Variants in VTI1A observed in about 807,000 individuals in gnomAD.
VTI1A encodes vesicle transport through interaction with t-SNAREs 1A, also known as vesicle transport through interaction with t-SNAREs homolog 1A.
Under a neutral mutation model 34.9 loss-of-function variants are expected in VTI1A, and 22 were observed. That is an observed-to-expected ratio of 0.63 (90% CI 0.45 to 0.90). The LOEUF is 0.90. Ranked by LOEUF, VTI1A falls within the 40% of genes least tolerant of loss-of-function variation. The pLI is 0.00. For missense variants in VTI1A, 268 were observed against 275.6 expected, an observed-to-expected ratio of 0.97 and a Z score of 0.20; for synonymous variants, 87 against 97.3, an observed-to-expected ratio of 0.89 and a Z score of 0.62.
At chr10:112,831,268 G>A in the VTI1A span, 18 of 152,252 alleles carry the variant, frequency 1.2e-4, no homozygotes, top group Admixed American at 5.9e-4. Context: ...GTTAATTATC[G>A]TTTGTCCCCA....
intron 4 of VTI1A, among the ~76,000 whole-genome samples, chr10:112,537,298 T>C (rs1398754385): frequency 7.3e-6 from 1 of 136,952 alleles, no homozygotes; most frequent in Non-Finnish European, 1.6e-5. Flanking sequence ...TTTATATATT[T>C]CTAAGTATCT....
intron 7 of VTI1A, among the ~76,000 whole-genome samples, chr10:112,712,921 T>G (rs1394401574): frequency 6.6e-6 from 1 of 152,126 alleles, no homozygotes; most frequent in Non-Finnish European, 1.5e-5. Flanking sequence ...TAAAACTGAG[T>G]AGGGCAAAAG....
At chr10:112,611,854 A>G (rs1589972594) in intron 5 of VTI1A, among the ~76,000 whole-genome samples, 1 of 147,136 alleles carries the variant, frequency 6.8e-6, no homozygotes, top group East Asian at 2.0e-4. Flanking sequence ...TCATTGTCCT[A>G]CCTCAGCCTC....
intron 7 of VTI1A, among the ~76,000 whole-genome samples, chr10:112,768,183 A>T (rs1205707574): frequency 6.6e-6 from 1 of 152,232 alleles, no homozygotes; most frequent in African/African-American, 2.4e-5. Context: ...AACAAATTGC[A>T]TGACGAGTGT....
intron 5 of VTI1A, among the ~76,000 whole-genome samples, chr10:112,597,868 T>G (rs1381228924): frequency 6.6e-6 from 1 of 151,378 alleles, no homozygotes; most frequent in Non-Finnish European, 1.5e-5. Context: ...CGGCTAATTT[T>G]TTGTATTTTT....
At chr10:112,778,005 G>A (rs1207975306) in intron 7 of VTI1A, among the ~76,000 whole-genome samples, 1 of 152,170 alleles carries the variant, frequency 6.6e-6, no homozygotes, top group African/African-American at 2.4e-5. Context: ...GAGAGGCTGA[G>A]GCAGGAGAAT....
chr10:112,653,015 C>T (rs565028112), intron 5 of VTI1A, among the ~76,000 whole-genome samples: 15 of 152,308 alleles, frequency 9.8e-5, no homozygotes, highest in African/African-American at 2.9e-4. Context: ...AGGTTGGGGG[C>T]GACCTGAGCA....
At chr10:112,499,468 A>G (rs1386403906) in intron 3 of VTI1A, among the ~76,000 whole-genome samples, 1 of 152,084 alleles carries the variant, frequency 6.6e-6, no homozygotes, top group Non-Finnish European at 1.5e-5. Context: ...AATTTTATGT[A>G]TGCCCATGGC....
intron 7 of VTI1A, among the ~76,000 whole-genome samples, chr10:112,801,180 G>A (rs181994414): frequency 8.9e-4 from 135 of 152,260 alleles, no homozygotes; most frequent in African/African-American, 2.9e-3. Context: ...GGAGGTGGGA[G>A]GGTGAGGAGT....
chr10:112,547,331 C>A (rs868867185), intron 5 of VTI1A, among the ~76,000 whole-genome samples: 50 of 151,954 alleles, frequency 3.3e-4, no homozygotes, highest in African/African-American at 1.1e-3. Flanking sequence ...AATCCCAGCA[C>A]TTTGGGAGGC....
intron 5 of VTI1A, among the ~76,000 whole-genome samples, chr10:112,616,975 G>A (rs546393223): frequency 6.1e-4 from 93 of 152,220 alleles, no homozygotes; most frequent in African/African-American, 2.2e-3. Context: ...AGTTAGAGGA[G>A]CAATAATTTG....
At position 112,495,082 on chromosome 10, in the gene VTI1A, A is replaced by G. The variant is rs139666873; in HGVS notation, c.264+30425A>G. The stretch of plus-strand genomic sequence containing the variant: ...GATGGAAATGTGTCTTTTTTGATTC[A>G]TTGAAGAGGCCTGAATGTTTTACCA... On this transcript the variant is annotated intron_variant, in intron 3 of 7. Coordinates refer to ENST00000393077, the MANE Select transcript of VTI1A (RefSeq NM_145206.4). Among the ~76,000 whole-genome samples, 173 of 152,112 alleles carry G rather than the reference A, an allele frequency of 1.1e-3. 2 individuals are homozygous for G. The East Asian group carries it at 0.032, about 28-fold the overall frequency.
chr10:112,554,399 T>C (rs1444277105), intron 5 of VTI1A, among the ~76,000 whole-genome samples: 1 of 152,220 alleles, frequency 6.6e-6, no homozygotes, highest in Non-Finnish European at 1.5e-5. Context: ...TTATTGATTT[T>C]AGTTAATAAT....
At chr10:112,488,951 C>T (rs145453772) in intron 3 of VTI1A, among the ~76,000 whole-genome samples, 56 of 152,244 alleles carry the variant, frequency 3.7e-4, no homozygotes, top group Middle Eastern at 3.4e-3. Context: ...ATTTTATTCT[C>T]GTGTTTTGGA....
At chr10:112,615,206 C>CT (rs1251127523) in intron 5 of VTI1A, among the ~76,000 whole-genome samples, 5 of 152,114 alleles carry the variant, frequency 3.3e-5, no homozygotes, top group Non-Finnish European at 1.5e-5. Flanking sequence ...TATTGAACAT[C>CT]TTAAAGGAAA....
At chr10:112,479,720 C>A (rs906289460) in intron 3 of VTI1A, among the ~76,000 whole-genome samples, 1 of 152,196 alleles carries the variant, frequency 6.6e-6, no homozygotes, top group African/African-American at 2.4e-5. Context: ...ATTGTCTGAT[C>A]TTTGGGCTCA....
intron 3 of VTI1A, among the ~76,000 whole-genome samples, chr10:112,470,759 G>A (rs1848046511): frequency 6.6e-6 from 1 of 152,162 alleles, no homozygotes; most frequent in Non-Finnish European, 1.5e-5. Context: ...GGGCATGGTG[G>A]CGCACACTTG....
rs534168525 is a variant in VTI1A at position 112,807,875 on chromosome 10, TAAA to T, written c.561-7411_561-7409del. 1.8e-3 allele frequency among the ~76,000 whole-genome samples: 270 copies of T among 150,626 alleles called. 1 individual carries two copies. Among genetic ancestry groups the T allele is most frequent in the African/African-American group, 6.1e-3 (250 of 40,988 alleles). ...TCTCAAAAAAAATAAAAAATAAAAA[TAAA>T]AAAGATCTCTAATGAATCACATCCA... On this transcript the variant is annotated intron_variant, in intron 7 of 7. Coordinates refer to ENST00000393077, the MANE Select transcript of VTI1A (RefSeq NM_145206.4).
intron 7 of VTI1A, among the ~76,000 whole-genome samples, chr10:112,745,168 G>A (rs1272316432): frequency 6.6e-6 from 1 of 151,178 alleles, no homozygotes; most frequent in Non-Finnish European, 1.5e-5. Flanking sequence ...ATTATTTTAT[G>A]ACTTTTTGTG....
Sources: gnomAD v4.1 joint callset for allele counts (sites outside exome capture counted in the v4.1 genomes callset) on GRCh38, gnomAD v4.1.1 for gene constraint, MANE v1.5 for transcripts, NCBI Gene and HGNC (gene_info 2026-07-23, HGNC 2026-07-21) for gene names.